Variants in ERCC8 observed in about 807,000 individuals in gnomAD.
ERCC8 encodes ERCC excision repair 8, CSA ubiquitin ligase complex subunit, also known as DNA excision repair protein ERCC-8.
In ERCC8, 52 loss-of-function variants were observed where a neutral mutation model predicts 54.9. The observed-to-expected ratio is 0.95, with a 90% CI of 0.76 to 1.19. The LOEUF (loss-of-function observed/expected upper bound fraction) is 1.19. Among genes scored for constraint, ERCC8 ranks in the 50% most tolerant of loss-of-function variants. The probability of loss-of-function intolerance (pLI) is 0.00; values close to 1 mark genes in which losing one functional copy is unlikely to be tolerated. For synonymous variants in ERCC8, 146 were observed against 157.2 expected, an observed-to-expected ratio of 0.93 and a Z score of 0.53; for missense variants, 514 against 466.1, an observed-to-expected ratio of 1.10 and a Z score of -0.95.
chr5:60,910,089 C>T (rs1749213326), intron 4 of ERCC8: 1 of 152,006 alleles, frequency 6.6e-6, no homozygotes, highest in African/African-American at 2.4e-5. Context: ...AGTAGTTAAG[C>T]TTTTGGGGTA....
chr5:60,880,566 T>G (rs1748180682), intron 11 of ERCC8, among the ~76,000 whole-genome samples: 1 of 152,178 alleles, frequency 6.6e-6, no homozygotes, highest in Admixed American at 6.5e-5. Flanking sequence ...GTTCATTTCT[T>G]TTTATTCTTT....
Position 60,918,261 on chromosome 5 carries a change from T to G in ERCC8, c.399+4A>C. On this transcript the variant is annotated splice_donor_region_variant and intron_variant, in intron 4 of 11. Transcript: ENST00000676185. Reference sequence around the variant, plus strand: ...GCAATCTGCAAATGTTTTAATGTACTTACTTGTAATGTATTTGTATCCCAT... The same window carrying G: ...GCAATCTGCAAATGTTTTAATGTACGTACTTGTAATGTATTTGTATCCCAT... 6.3e-7 allele frequency: 1 copy of G among 1,589,758 alleles called. No homozygotes were observed.
At chr5:60,918,698 G>T in intron 3 of ERCC8, 1 of 359,118 alleles carries the variant, frequency 2.8e-6, no homozygotes, top group Non-Finnish European at 5.3e-6. Flanking sequence ...TTGAAAGAGT[G>T]ATTTGGTCTT....
At chr5:60,880,366 G>C (rs1049409005) in intron 11 of ERCC8, among the ~76,000 whole-genome samples, 3 of 152,156 alleles carry the variant, frequency 2.0e-5, no homozygotes, top group African/African-American at 2.4e-5. Context: ...TTCTCGAGGA[G>C]TATCTTTGTG....
intron 1 of ERCC8, among the ~76,000 whole-genome samples, chr5:60,932,444 G>A (rs1186444558): frequency 6.6e-6 from 1 of 152,162 alleles, no homozygotes; most frequent in African/African-American, 2.4e-5. Flanking sequence ...TTTGGTACAT[G>A]CTAGATAGAG....
At chr5:60,932,848 G>A (rs934106242) in intron 1 of ERCC8, among the ~76,000 whole-genome samples, 3 of 152,118 alleles carry the variant, frequency 2.0e-5, no homozygotes, top group African/African-American at 7.2e-5. Context: ...GGAAAGAGTA[G>A]ACACATAAAG....
intron 11 of ERCC8, among the ~76,000 whole-genome samples, chr5:60,885,375 G>A (rs1040523832): frequency 6.6e-6 from 1 of 151,984 alleles, no homozygotes; most frequent in African/African-American, 2.4e-5. Flanking sequence ...CTATACATAA[G>A]TCACTATAGA....
At chr5:60,897,079 C>T (rs1748744185) in intron 9 of ERCC8, among the ~76,000 whole-genome samples, 1 of 152,162 alleles carries the variant, frequency 6.6e-6, no homozygotes, top group African/African-American at 2.4e-5. Context: ...TTAGCTCTTC[C>T]TTGCGTATCC....
rs1254574632 is a variant in ERCC8 at position 60,877,307 on chromosome 5, G to C, written c.1123-2624C>G. ...GCCTTGTAGTATAGTTTGAAGTCAGGTAGTGTGATGCCTCCAGCTTTGTTC... is the reference window on the plus strand; with the variant it reads ...GCCTTGTAGTATAGTTTGAAGTCAGCTAGTGTGATGCCTCCAGCTTTGTTC... On this transcript the variant is annotated intron_variant, in intron 11 of 11. Transcript: ENST00000676185. 2.0e-5 allele frequency among the ~76,000 whole-genome samples: 3 copies of C among 152,312 alleles called. No individual in the cohort carries two copies. In the East Asian group the frequency reaches 5.8e-4, roughly 29 times the overall value.
intron 4 of ERCC8, among the ~76,000 whole-genome samples, chr5:60,916,299 C>T (rs879571817): frequency 6.6e-6 from 1 of 152,044 alleles, no homozygotes; most frequent in Non-Finnish European, 1.5e-5. Flanking sequence ...ATTTATCTGC[C>T]TCTTAGAAGC....
intron 4 of ERCC8, chr5:60,915,142 T>C (rs1417503598): frequency 1.3e-5 from 2 of 152,102 alleles, no homozygotes; most frequent in African/African-American, 4.8e-5. Context: ...AGCATTTGTA[T>C]AAGATTGGTA....
chr5:60,885,307 C>G (rs13155076), intron 11 of ERCC8, among the ~76,000 whole-genome samples: 1 of 151,948 alleles, frequency 6.6e-6, no homozygotes, highest in African/African-American at 2.4e-5. Context: ...AGCCACCACA[C>G]CTGGCCACAT....
In ERCC8 at chr5:60,868,988, A is replaced by G. The variant is rs996950593; in HGVS notation, c.*5627T>C. On this transcript the variant is annotated 3_prime_UTR_variant, in exon 12 of 12. Transcript: ENST00000676185. ...CTAATTGTGCTAGGCTTGCCATTCCATTTCTGGCATAGTTAGAGTGATTTT... is the reference window on the plus strand; with the variant it reads ...CTAATTGTGCTAGGCTTGCCATTCCGTTTCTGGCATAGTTAGAGTGATTTT... 6.6e-6 allele frequency among the ~76,000 whole-genome samples: 1 copy of G among 152,054 alleles called. No homozygotes were observed. The highest frequency in any genetic ancestry group is 2.4e-5 in the African/African-American group (1 of 41,396).
chr5:60,918,377 T>A lies in ERCC8; in HGVS notation c.287A>T (p.Asp96Val), dbSNP rs2112516948. 6.2e-7 allele frequency: 1 copy of A among 1,610,512 alleles called. No individual in the cohort carries two copies. Among genetic ancestry groups the A allele is most frequent in the Non-Finnish European group, 8.5e-7 (1 of 1,177,688 alleles). Residue 96 changes from aspartate (D) to valine (V), a missense_variant, in exon 4 of 12, where the codon GAT becomes GTT. Coordinates refer to ENST00000676185, the MANE Select transcript of ERCC8 (RefSeq NM_000082.4). ...AGTCTCCACACTGTATCTGTGAACA[T>A]CAGGATGATCTCTACAAAACAGCAA... ...AVCSIGRDHPDVHRYSVETVQ... is the reference protein window; with the variant it reads ...AVCSIGRDHPVVHRYSVETVQ...
intron 9 of ERCC8, among the ~76,000 whole-genome samples, chr5:60,895,873 G>A (rs763918354): frequency 6.6e-6 from 1 of 152,192 alleles, no homozygotes; most frequent in African/African-American, 2.4e-5. Context: ...ATATGAACTG[G>A]AAAGTGTTGA....
At chr5:60,938,814 A>G (rs1444016323) in intron 1 of ERCC8, among the ~76,000 whole-genome samples, 2 of 152,196 alleles carry the variant, frequency 1.3e-5, no homozygotes, top group East Asian at 3.9e-4. Flanking sequence ...GTAGCTTTAT[A>G]TAATGTCCTT....
At chr5:60,882,168 A>G (rs1007227345) in intron 11 of ERCC8, among the ~76,000 whole-genome samples, 4 of 151,942 alleles carry the variant, frequency 2.6e-5, no homozygotes, top group African/African-American at 9.6e-5. Flanking sequence ...GGTAACCCCT[A>G]CTGCATGTCT....
At chr5:60,876,031 C>T (rs1747994092) in intron 11 of ERCC8, among the ~76,000 whole-genome samples, 1 of 151,390 alleles carries the variant, frequency 6.6e-6, no homozygotes, top group Non-Finnish European at 1.5e-5. Context: ...CTCCCCCCTA[C>T]CCCCACCCCA....
At chr5:60,940,961 G>C (rs1750240769) in intron 1 of ERCC8, among the ~76,000 whole-genome samples, 1 of 152,144 alleles carries the variant, frequency 6.6e-6, no homozygotes, top group Admixed American at 6.6e-5. Flanking sequence ...CCAAAGCTGA[G>C]ATGACACAAG....
Sources: gnomAD v4.1 joint callset for allele counts (sites outside exome capture counted in the v4.1 genomes callset) on GRCh38, gnomAD v4.1.1 for gene constraint, MANE v1.5 for transcripts, NCBI Gene and HGNC (gene_info 2026-07-23, HGNC 2026-07-21) for gene names.